The following RAP1GDS1 variants were observed in gnomAD, a reference collection of about 807,000 sequenced individuals.
RAP1GDS1 encodes RAP1, GTP-GDP dissociation stimulator 1.
RAP1GDS1 carries 35 observed loss-of-function variants against 71.1 expected under a neutral mutation model. The observed-to-expected ratio is 0.49, with a 90% CI of 0.38 to 0.65. The LOEUF (loss-of-function observed/expected upper bound fraction) is 0.65. Ranked by LOEUF, RAP1GDS1 falls within the 30% of genes least tolerant of loss-of-function variation. The pLI, the probability that RAP1GDS1 is intolerant of heterozygous loss-of-function variation, is 0.00. For synonymous variants in RAP1GDS1, 229 were observed against 243.1 expected (o/e 0.94, Z 0.54); for missense variants, 663 against 706.1 (o/e 0.94, Z 0.69).
In RAP1GDS1 at chr4:98,442,282, CTA is replaced by C. The variant is rs1481036837; in HGVS notation, c.*168_*169del. On this transcript the variant is annotated 3_prime_UTR_variant, in exon 15 of 15. Transcript: ENST00000408927. ...TACCTCCCTAATAAGATTTCTAAAC[CTA>C]TAGTTAGTGTGATCATGACTTTGTC... 1 of 943,408 alleles carries C rather than the reference CTA, an allele frequency of 1.1e-6. No individual in the cohort carries two copies. Among genetic ancestry groups the C allele is most frequent in the East Asian group, 2.8e-5 (1 of 35,750 alleles). The allele number at this position is 943,408 out of a possible 1,614,324, so 58.4% of individuals were successfully genotyped here.
At position 98,388,671 on chromosome 4, in the gene RAP1GDS1, A is replaced by G. The variant is rs1007391253; in HGVS notation, c.509-3281A>G. Among the ~76,000 whole-genome samples, 7 of 152,190 alleles carry G rather than the reference A, an allele frequency of 4.6e-5. No homozygotes were observed. The East Asian group carries it at 1.3e-3, about 29-fold the overall frequency. On this transcript the variant is annotated intron_variant, in intron 5 of 14. Coordinates refer to ENST00000408927, the MANE Select transcript of RAP1GDS1 (RefSeq NM_001100427.2). ...ACCCTGGGAGGCGGAGGTTGCAGTG[A>G]ACTGAGATCACACCACCGCACTCCA...
At chr4:98,262,219 C>T (rs886484390) in intron 1 of RAP1GDS1, among the ~76,000 whole-genome samples, 2 of 152,224 alleles carry the variant, frequency 1.3e-5, no homozygotes, top group African/African-American at 2.4e-5. Context: ...TGGGTGACTA[C>T]AGTGTGCAAT....
chr4:98,379,666 T>C (rs900934796), intron 5 of RAP1GDS1, among the ~76,000 whole-genome samples: 1 of 151,942 alleles, frequency 6.6e-6, no homozygotes, highest in African/African-American at 2.4e-5. Context: ...AACAGCAGTT[T>C]CTTTTCTCTG....
At chr4:98,333,672 T>C (rs1263676724) in intron 2 of RAP1GDS1, among the ~76,000 whole-genome samples, 2 of 152,076 alleles carry the variant, frequency 1.3e-5, no homozygotes, top group Non-Finnish European at 2.9e-5. Context: ...ATTTACCTGG[T>C]TTATCTTTAA....
At chr4:98,272,942 C>T (rs573657447) in intron 1 of RAP1GDS1, among the ~76,000 whole-genome samples, 12 of 152,260 alleles carry the variant, frequency 7.9e-5, no homozygotes, top group Middle Eastern at 3.4e-3. Context: ...ACCCACCTAT[C>T]GAGCTTTTTC....
At chr4:98,265,192 C>T (rs1421924078) in intron 1 of RAP1GDS1, among the ~76,000 whole-genome samples, 10 of 152,050 alleles carry the variant, frequency 6.6e-5, no homozygotes, top group African/African-American at 2.4e-4. Flanking sequence ...CAGGTTATGG[C>T]AACGGGAATA....
intron 2 of RAP1GDS1, among the ~76,000 whole-genome samples, chr4:98,306,738 T>G (rs1729381365): frequency 6.6e-6 from 1 of 152,198 alleles, no homozygotes; most frequent in African/African-American, 2.4e-5. Flanking sequence ...TTACTGTGAT[T>G]GTAGATGTTT....
At chr4:98,423,960 A>G (rs562840461) in intron 12 of RAP1GDS1, among the ~76,000 whole-genome samples, 1 of 152,296 alleles carries the variant, frequency 6.6e-6, no homozygotes, top group African/African-American at 2.4e-5. Context: ...GAGTTGAGCA[A>G]TTTGAAATTG....
intron 2 of RAP1GDS1, among the ~76,000 whole-genome samples, chr4:98,296,285 T>C (rs752048053): frequency 6.6e-6 from 1 of 152,128 alleles, no homozygotes; most frequent in Non-Finnish European, 1.5e-5. Context: ...ATAATGCTTT[T>C]GAAATTTTTA....
chr4:98,305,437 A>G (rs1729176101), intron 2 of RAP1GDS1, among the ~76,000 whole-genome samples: 1 of 152,170 alleles, frequency 6.6e-6, no homozygotes, highest in South Asian at 2.1e-4. Context: ...AAGGCTGTAT[A>G]TAGGGTCTAA....
intron 4 of RAP1GDS1, among the ~76,000 whole-genome samples, chr4:98,361,076 CAAAAA>C (rs1210869882): frequency 7.3e-5 from 6 of 82,058 alleles, no homozygotes; most frequent in Non-Finnish European, 1.1e-4. Context: ...GACTCTGTCT[CAAAAA>C]AAAAAAAAAA....
intron 13 of RAP1GDS1, 106 bp downstream of exon 13, chr4:98,434,168 G>T (rs770186217): frequency 2.5e-4 from 342 of 1,347,546 alleles, no homozygotes; most frequent in Non-Finnish European, 3.4e-4. Flanking sequence ...GAAGCATTTT[G>T]CTAGTGTCTG....
chr4:98,275,175 A>G (rs544660711), intron 1 of RAP1GDS1, among the ~76,000 whole-genome samples: 2 of 152,268 alleles, frequency 1.3e-5, no homozygotes, highest in Non-Finnish European at 2.9e-5. Context: ...TGTATATTGT[A>G]TAGTACAATG....
rs142920946 is a variant in RAP1GDS1 at position 98,356,979 on chromosome 4, AAT to A, written c.361+4380_361+4381del. Among the ~76,000 whole-genome samples, 1,199 of 152,088 alleles carry A rather than the reference AAT, an allele frequency of 7.9e-3. 13 individuals carry two copies. The highest frequency in any genetic ancestry group is 0.028 in the African/African-American group (1,147 of 41,548). ...TTTATGTAAAAATTCTTTATATAAA[AAT>A]AGTGTAGAAGGAATTATAGTTCTTA... On this transcript the variant is annotated intron_variant, in intron 4 of 14. Transcript: ENST00000408927.
In RAP1GDS1 at chr4:98,438,070, A is replaced by G. The variant is rs1041984774; in HGVS notation, c.1696+1002A>G. Reference sequence around the variant, plus strand: ...CCTATTTCTCCTTTCAGTTCTGTCAATTTTTGCTTAACATAATTTTCAGCT... The same window carrying G: ...CCTATTTCTCCTTTCAGTTCTGTCAGTTTTTGCTTAACATAATTTTCAGCT... On this transcript the variant is annotated intron_variant, in intron 14 of 14. Coordinates refer to ENST00000408927, the MANE Select transcript of RAP1GDS1 (RefSeq NM_001100427.2). Among the ~76,000 whole-genome samples, 7 of 151,794 alleles carry G rather than the reference A, an allele frequency of 4.6e-5. No homozygotes were observed. In the East Asian group the frequency reaches 7.8e-4, roughly 17 times the overall value.
At chr4:98,387,287 T>C in intron 5 of RAP1GDS1, 1 of 360,996 alleles carries the variant, frequency 2.8e-6, no homozygotes. Flanking sequence ...ATAATCTTCT[T>C]AACAAACTTA....
rs1561014254 is a variant in RAP1GDS1 at position 98,433,920 on chromosome 4, A to T, written c.1441-16A>T. 1 of 1,590,414 alleles carries T rather than the reference A, an allele frequency of 6.3e-7. No homozygotes were observed. Among genetic ancestry groups the T allele is most frequent in the East Asian group, 2.2e-5 (1 of 44,644 alleles). ...TAAAATTAAAGTCTATAATTCTCTGATATTATTTATTGTAGGATGTAATTA... is the reference window on the plus strand; with the variant it reads ...TAAAATTAAAGTCTATAATTCTCTGTTATTATTTATTGTAGGATGTAATTA... On this transcript the variant is annotated splice_polypyrimidine_tract_variant and intron_variant, in intron 12 of 14. Transcript: ENST00000408927.
chr4:98,356,711 T>G (rs1226315967), intron 4 of RAP1GDS1, among the ~76,000 whole-genome samples: 1 of 152,056 alleles, frequency 6.6e-6, no homozygotes, highest in East Asian at 1.9e-4. Flanking sequence ...TGGAAAGATA[T>G]GTACACTTAA....
chr4:98,365,173 A>G (rs1212659977), intron 4 of RAP1GDS1, among the ~76,000 whole-genome samples: 1 of 152,192 alleles, frequency 6.6e-6, no homozygotes, highest in Non-Finnish European at 1.5e-5. Context: ...TTGGATTCTT[A>G]GTAATACCTA....
Sources: allele counts gnomAD v4.1 joint callset (sites outside exome capture counted in the v4.1 genomes callset), GRCh38; gene constraint gnomAD v4.1.1; transcripts MANE v1.5; gene names NCBI Gene and HGNC (gene_info 2026-07-23, HGNC 2026-07-21).